The following PLXNA4 variants were observed in gnomAD, a reference collection of about 807,000 sequenced individuals.
PLXNA4 encodes plexin A4.
Under a neutral mutation model 191.8 loss-of-function variants are expected in PLXNA4, and 44 were observed. The ratio of observed to expected loss-of-function variants is 0.23; its 90% CI spans 0.18 to 0.29. The LOEUF (loss-of-function observed/expected upper bound fraction) is 0.29. PLXNA4 is among the 10% of genes least tolerant of loss of function. The pLI, the probability that PLXNA4 is intolerant of heterozygous loss-of-function variation, is 1.00. For missense variants in PLXNA4, 1,800 were observed against 2,488.8 expected, an observed-to-expected ratio of 0.72 and a Z score of 5.89; for synonymous variants, 1,082 against 1,009.5, an observed-to-expected ratio of 1.07 and a Z score of -1.36.
chr7:132,628,421 T>C (rs1803425162), intron 2 of PLXNA4, among the ~76,000 whole-genome samples: 1 of 149,490 alleles, frequency 6.7e-6, no homozygotes, highest in Non-Finnish European at 1.5e-5. Flanking sequence ...ATATGGCATT[T>C]TGAAAATTCA....
At chr7:132,147,555 G>A (rs1795472086) in intron 27 of PLXNA4, among the ~76,000 whole-genome samples, 4 of 152,098 alleles carry the variant, frequency 2.6e-5, no homozygotes, top group African/African-American at 9.7e-5. Flanking sequence ...CTGTGCACCT[G>A]AGTTATAATG....
intron 2 of PLXNA4, among the ~76,000 whole-genome samples, chr7:132,635,569 A>T (rs1313118059): frequency 6.6e-6 from 1 of 152,130 alleles, no homozygotes. Context: ...CATTGCTAAG[A>T]GGTTTCCTGG....
In PLXNA4 at chr7:132,508,929, C is replaced by A; in HGVS notation, c.-86-150G>T. ...GGAGGCTGACTGAGTCAACCCCCAC[C>A]ACGGGCATGTGACACAGTCAGAGCC... On this transcript the variant is annotated intron_variant, in intron 1 of 31. Coordinates refer to ENST00000321063, the MANE Select transcript of PLXNA4 (RefSeq NM_020911.2). The surrounding 1 kb of genome is among the most constrained non-coding windows in gnomAD (Gnocchi z 4.4). 1 of 748,902 alleles carries A rather than the reference C, an allele frequency of 1.3e-6. No individual in the cohort carries two copies. The highest frequency in any genetic ancestry group is 3.1e-5 in the South Asian group (1 of 32,516). 46.4% of individuals were successfully genotyped at this position (748,902 alleles called of 1,614,324 possible).
intron 3 of PLXNA4, among the ~76,000 whole-genome samples, chr7:132,455,120 C>T (rs1191466969): frequency 4.6e-5 from 7 of 152,214 alleles, no homozygotes; most frequent in African/African-American, 1.4e-4. Context: ...CCTGCAGCCT[C>T]GCCTGGACGC....
intron 5 of PLXNA4, among the ~76,000 whole-genome samples, chr7:132,229,901 C>T (rs1798467743): frequency 6.6e-6 from 1 of 152,046 alleles, no homozygotes; most frequent in Non-Finnish European, 1.5e-5. Flanking sequence ...TCCTCCTAAC[C>T]TTTGGCCACA....
chr7:132,205,653 C>T (rs1797592644), intron 10 of PLXNA4, among the ~76,000 whole-genome samples: 1 of 152,160 alleles, frequency 6.6e-6, no homozygotes, highest in African/African-American at 2.4e-5. Flanking sequence ...CAAGCTGCTG[C>T]CTGGATGGCT....
At chr7:132,475,278 C>T (rs890859462) in intron 3 of PLXNA4, among the ~76,000 whole-genome samples, 7 of 152,100 alleles carry the variant, frequency 4.6e-5, no homozygotes, top group African/African-American at 1.7e-4. Context: ...CCGTGACCAG[C>T]GGAGGAAGCA....
At chr7:132,179,403 G>C (rs1796624086) in intron 20 of PLXNA4, among the ~76,000 whole-genome samples, 1 of 109,462 alleles carries the variant, frequency 9.1e-6, no homozygotes, top group African/African-American at 4.6e-5. Flanking sequence ...CACATACACA[G>C]ATGCGCACGC....
At chr7:132,162,805 C>G (rs1468860725) in intron 24 of PLXNA4, among the ~76,000 whole-genome samples, 1 of 152,108 alleles carries the variant, frequency 6.6e-6, no homozygotes, top group Non-Finnish European at 1.5e-5. Flanking sequence ...ATTCCCGGGG[C>G]TTTTGGAAAA....
chr7:132,361,074 T>C (rs964737648), intron 3 of PLXNA4, among the ~76,000 whole-genome samples: 2 of 152,138 alleles, frequency 1.3e-5, no homozygotes, highest in African/African-American at 4.8e-5. Context: ...CTCCATGCCA[T>C]CCACTTCCCC....
intron 3 of PLXNA4, among the ~76,000 whole-genome samples, chr7:132,456,428 T>C (rs1312642844): frequency 6.6e-6 from 1 of 152,140 alleles, no homozygotes; most frequent in African/African-American, 2.4e-5. Flanking sequence ...TCTCTTTTTA[T>C]AAGGCCAAGA....
chr7:132,582,307 A>G lies in PLXNA4; in HGVS notation c.-87+63621T>C, dbSNP rs141292945. Among the ~76,000 whole-genome samples, 863 of 152,284 alleles carry G rather than the reference A, an allele frequency of 5.7e-3. 7 individuals carry two copies. The highest frequency in any genetic ancestry group is 0.037 in the Middle Eastern group (11 of 294). On this transcript the variant is annotated intron_variant, in intron 2 of 4. Coordinates refer to the PLXNA4 transcript ENST00000378539. ...AGATGGATTCGTGCTGATGGGTTGA[A>G]TGCTCTTGCCTGGTAACACATTTAC...
intron 14 of PLXNA4, among the ~76,000 whole-genome samples, chr7:132,191,794 C>CTCTCTCTCTG (rs1255545975): frequency 4.6e-5 from 7 of 151,508 alleles, no homozygotes; most frequent in African/African-American, 1.7e-4. Flanking sequence ...CTCTCTCTCT[C>CTCTCTCTCTG]TGTCTCTATG....
At chr7:132,290,370 A>G (rs924817462) in intron 4 of PLXNA4, among the ~76,000 whole-genome samples, 4 of 152,112 alleles carry the variant, frequency 2.6e-5, no homozygotes, top group African/African-American at 9.7e-5. Flanking sequence ...TGTCTGGGGG[A>G]CAGCTGCTTC....
intron 3 of PLXNA4, among the ~76,000 whole-genome samples, chr7:132,317,047 G>C (rs1184143995): frequency 6.6e-6 from 1 of 152,140 alleles, no homozygotes; most frequent in East Asian, 1.9e-4. Context: ...TGTTAGACTG[G>C]ATTTATTGGA....
At chr7:132,636,302 G>A (rs1456924163) in intron 2 of PLXNA4, among the ~76,000 whole-genome samples, 1 of 152,208 alleles carries the variant, frequency 6.6e-6, no homozygotes, top group African/African-American at 2.4e-5. Context: ...CCAGGCAGAG[G>A]GCAGAGGAGA....
chr7:132,639,351 C>T (rs926536011), intron 2 of PLXNA4, among the ~76,000 whole-genome samples: 6 of 152,290 alleles, frequency 3.9e-5, no homozygotes, highest in East Asian at 3.9e-4. Flanking sequence ...CATGCTCTTG[C>T]GTCCTCTGTT....
At chr7:132,441,652 G>C (rs552656006) in intron 3 of PLXNA4, among the ~76,000 whole-genome samples, 1 of 152,018 alleles carries the variant, frequency 6.6e-6, no homozygotes, top group South Asian at 2.1e-4. Flanking sequence ...CCCTGCATTC[G>C]GAGTCTATTT....
chr7:132,490,922 C>A (rs780750886), intron 2 of PLXNA4, among the ~76,000 whole-genome samples: 1 of 152,082 alleles, frequency 6.6e-6, no homozygotes, highest in Non-Finnish European at 1.5e-5. Context: ...CCATCAGGTC[C>A]CCCTTGAAAC....
Sources: allele counts gnomAD v4.1 joint callset (sites outside exome capture counted in the v4.1 genomes callset), GRCh38; gene constraint gnomAD v4.1.1; non-coding constraint Gnocchi (gnomAD v3.1); transcripts MANE v1.5; gene names NCBI Gene and HGNC (gene_info 2026-07-23, HGNC 2026-07-21).